Variants in CCDC187 observed in about 807,000 individuals in gnomAD.
CCDC187 encodes the protein coiled-coil domain-containing protein 187.
Under a neutral mutation model 38.0 loss-of-function variants are expected in CCDC187, and 32 were observed. That is an observed-to-expected ratio of 0.84 (90% CI 0.64 to 1.13). The LOEUF is 1.13. CCDC187 is among the 50% of genes most tolerant of loss of function. The probability of loss-of-function intolerance (pLI) is 0.00; values close to 1 mark genes in which losing one functional copy is unlikely to be tolerated. For missense variants in CCDC187, 707 were observed against 786.8 expected, an observed-to-expected ratio of 0.90 and a Z score of 1.21; for synonymous variants, 333 against 347.9, an observed-to-expected ratio of 0.96 and a Z score of 0.48.
intron 7 of CCDC187, 47 bp downstream of exon 7, chr9:136,289,912 C>G (rs1037248209): frequency 3.8e-5 from 15 of 392,312 alleles, no homozygotes; most frequent in African/African-American, 2.7e-4. Context: ...CTTGGCCCCC[C>G]CCAAGGCCCC....
Position 136,257,900 on chromosome 9 carries a change from C to A in CCDC187, c.4366+1032G>T, listed in dbSNP as rs1830633242. On this transcript the variant is annotated intron_variant, in intron 22 of 25. Coordinates refer to ENST00000638797, the MANE Select transcript of CCDC187 (RefSeq NM_001378188.1). The surrounding 1 kb of genome is among the most constrained non-coding windows in gnomAD (Gnocchi z 4.5). Reference sequence around the variant, plus strand: ...GCAGTCAGGCAGACTCAGGGTGAACCCTAGACCACGTGAGAACATAAGTCA... The same window carrying A: ...GCAGTCAGGCAGACTCAGGGTGAACACTAGACCACGTGAGAACATAAGTCA... Among the ~76,000 whole-genome samples the A allele has an allele frequency of 6.6e-6, 1 of 152,188 alleles. No homozygotes were observed. The highest frequency in any genetic ancestry group is 2.4e-5 in the African/African-American group (1 of 41,448).
intron 24 of CCDC187, 111 bp from the exon 25 acceptor site, chr9:136,255,844 A>C (rs1554760232): frequency 2.2e-6 from 1 of 456,072 alleles, no homozygotes; most frequent in African/African-American, 2.1e-5. Flanking sequence ...CACACTCGAA[A>C]AACATCCCAG....
At position 136,268,109 on chromosome 9, in the gene CCDC187, G is replaced by A; in HGVS notation, c.3459C>T (p.Asp1153=). The part of the protein sequence containing the change: ...KPASAEVEGP[D]GALSQLPLAK... The stretch of plus-strand genomic sequence containing the variant: ...CCAGGGGAAGCTGGGAGAGGGCTCC[G>A]TCAGGGCCCTCCACCTCTGAGGAAG... Residue 1153 remains aspartate, a synonymous_variant, in exon 15 of 26, where the codon GAC becomes GAT. Coordinates refer to ENST00000638797, the MANE Select transcript of CCDC187 (RefSeq NM_001378188.1). The A allele has an allele frequency of 1.0e-6, 1 of 985,522 alleles. No homozygotes were observed. Among genetic ancestry groups the A allele is most frequent in the Non-Finnish European group, 1.2e-6 (1 of 829,974 alleles). 61.0% of individuals were successfully genotyped at this position (985,522 alleles called of 1,614,324 possible). A position where few individuals can be genotyped will look rare whatever the true frequency, so the allele number is the denominator to read the frequency against.
intron 4 of CCDC187, among the ~76,000 whole-genome samples, chr9:136,293,221 ACTCACACT>A (rs1387737453): frequency 4.6e-4 from 46 of 100,298 alleles, no homozygotes; most frequent in Non-Finnish European, 6.4e-4. Flanking sequence ...ATGCTCACAC[ACTCACACT>A]CACACGCTCA....
At position 136,250,332 on chromosome 9, in the gene CCDC187, A is replaced by G; in HGVS notation, c.*3262T>C. 5.6e-6 allele frequency: 1 copy of G among 178,200 alleles called. No individual in the cohort carries two copies. Among genetic ancestry groups the G allele is most frequent in the African/African-American group, 2.4e-5 (1 of 41,888 alleles). The allele number at this position is 178,200 out of a possible 1,614,324, so 11.0% of individuals were successfully genotyped here. ...GAGGCACCTGCTGGGCTCCCAGGGA[A>G]AGTCACGCTGGTTCCAGCTGTGACT... On this transcript the variant is annotated 3_prime_UTR_variant, in exon 26 of 26. Coordinates refer to ENST00000638797, the MANE Select transcript of CCDC187 (RefSeq NM_001378188.1).
Position 136,286,117 on chromosome 9 carries a change from C to T in CCDC187, c.2801G>A (p.Ser934Asn). ...CTTGCTCTCGCAGTGGGCCCTCGGG[C>T]TCACACTCTGCTGTTGCTCCCAGCT... The part of the protein sequence containing the change: ...GPSWEQQQSV[S>N]PRAHCESKPR... The change falls in exon 8 of 26, where the codon AGC becomes AAC. Residue 934 changes from serine to asparagine, a missense_variant. Coordinates refer to ENST00000638797, the MANE Select transcript of CCDC187 (RefSeq NM_001378188.1). The T allele has an allele frequency of 2.5e-6, 1 of 398,596 alleles. No individual in the cohort carries two copies. Among genetic ancestry groups the T allele is most frequent in the African/African-American group, 2.1e-5 (1 of 48,768 alleles). 24.7% of individuals were successfully genotyped at this position (398,596 alleles called of 1,614,324 possible). A position where few individuals can be genotyped will look rare whatever the true frequency, so the allele number is the denominator to read the frequency against.
At chr9:136,282,978 C>G (rs1234574610) in intron 9 of CCDC187, among the ~76,000 whole-genome samples, 1 of 152,244 alleles carries the variant, frequency 6.6e-6, no homozygotes, top group Non-Finnish European at 1.5e-5. Context: ...AGGCCGGGCA[C>G]AGTGGCTCAC....
chr9:136,275,230 C>T (rs1206773052), intron 12 of CCDC187, among the ~76,000 whole-genome samples: 4 of 152,156 alleles, frequency 2.6e-5, no homozygotes, highest in Admixed American at 6.5e-5. Context: ...GCCAGTGCCC[C>T]GCCAGGGCTG....
At position 136,254,347 on chromosome 9, in the gene CCDC187, G is replaced by T; in HGVS notation, c.5481C>A (p.Ser1827Arg). ...GAAGAGCCACCTGGGGCTCCATGCC[G>T]CTTCTGACACCCCCTTTCAGGCTCT... ...TSESLKGGVR[S>R]GMEPQVALPS... The change falls in exon 26 of 26, where the codon AGC becomes AGA. Residue 1827 changes from serine to arginine, a missense_variant. Coordinates refer to ENST00000638797, the MANE Select transcript of CCDC187 (RefSeq NM_001378188.1). 1 of 983,914 alleles carries T rather than the reference G, an allele frequency of 1.0e-6. No individual in the cohort carries two copies. Among genetic ancestry groups the T allele is most frequent in the Non-Finnish European group, 1.2e-6 (1 of 829,002 alleles). 60.9% of individuals were successfully genotyped at this position (983,914 alleles called of 1,614,324 possible).
chr9:136,292,658 GAGC>G (rs1236136400), intron 4 of CCDC187, among the ~76,000 whole-genome samples: 1 of 152,172 alleles, frequency 6.6e-6, no homozygotes, highest in South Asian at 2.1e-4. Flanking sequence ...AAGAAACGCC[GAGC>G]AGCAGCAGCA....
At position 136,253,988 on chromosome 9, in the gene CCDC187, T is replaced by A. The variant is rs1830581338; in HGVS notation, c.5840A>T (p.Asp1947Val). The A allele has an allele frequency of 3.2e-6, 3 of 928,246 alleles. No individual in the cohort carries two copies. The highest frequency in any genetic ancestry group is 5.5e-4 in the Middle Eastern group (1 of 1,832). 57.5% of individuals were successfully genotyped at this position (928,246 alleles called of 1,614,324 possible). A position where few individuals can be genotyped will look rare whatever the true frequency, so the allele number is the denominator to read the frequency against. ...TPVTLQAPPG[D>V]PGRLAPPVAE... ...TACTGGAGGTGCCAGCCTGCCTGGG[T>A]CCCCAGGAGGAGCCTGCAGGGTCAC... The change falls in exon 26 of 26, where the codon GAC (aspartate) becomes GTC (valine). Residue 1947 changes from aspartate to valine, a missense_variant. Asp to Val is a radical substitution (Grantham distance 152, BLOSUM62 -3). Coordinates refer to ENST00000638797, the MANE Select transcript of CCDC187 (RefSeq NM_001378188.1).
intron 9 of CCDC187, among the ~76,000 whole-genome samples, chr9:136,285,299 G>A (rs1053371071): frequency 3.9e-5 from 6 of 152,104 alleles, no homozygotes; most frequent in Admixed American, 2.0e-4. Flanking sequence ...TGTCTGACGC[G>A]GGGCTTCCCT....
At chr9:136,294,292 A>T (rs985704091) in intron 4 of CCDC187, among the ~76,000 whole-genome samples, 1 of 148,076 alleles carries the variant, frequency 6.8e-6, no homozygotes, top group Admixed American at 6.7e-5. Flanking sequence ...ATGTGCTCTC[A>T]CTCTCACACG....
intron 16 of CCDC187, 91 bp downstream of exon 16, chr9:136,267,293 G>C (rs1000869380): frequency 3.3e-6 from 3 of 906,382 alleles, no homozygotes; most frequent in African/African-American, 3.6e-5. Flanking sequence ...GACCCGGACG[G>C]GGCAGGGAGG....
rs558422583 is a variant in CCDC187, at chr9:136,258,897, C to T, written c.4366+35G>A. ...TGGATGTGGGGGAAGTGTCTGGCGC[C>T]GTGGAGGCCCACGCGGTGTTTCCAG... On this transcript the variant is annotated intron_variant, in intron 22 of 25. Coordinates refer to ENST00000638797, the MANE Select transcript of CCDC187 (RefSeq NM_001378188.1). The surrounding 1 kb of genome is among the most constrained non-coding windows in gnomAD (Gnocchi z 4.3). 7.1e-6 allele frequency: 7 copies of T among 985,514 alleles called. No homozygotes were observed. Among genetic ancestry groups the T allele is most frequent in the Non-Finnish European group, 8.4e-6 (7 of 830,030 alleles). The allele number at this position is 985,514 out of a possible 1,614,324, so 61.0% of individuals were successfully genotyped here.
At chr9:136,299,733 C>T (rs1407986869) in intron 3 of CCDC187, among the ~76,000 whole-genome samples, 1 of 152,184 alleles carries the variant, frequency 6.6e-6, no homozygotes, top group Non-Finnish European at 1.5e-5. Context: ...GGCCCTTGGC[C>T]CCAGCCCCTT....
Position 136,262,390 on chromosome 9 carries a change from A to G in CCDC187, c.3985T>C (p.Cys1329Arg). 1 of 986,482 alleles carries G rather than the reference A, an allele frequency of 1.0e-6. No individual in the cohort carries two copies. Among genetic ancestry groups the G allele is most frequent in the Non-Finnish European group, 1.2e-6 (1 of 830,756 alleles). The allele number at this position is 986,482 out of a possible 1,614,324, so 61.1% of individuals were successfully genotyped here. A position where few individuals can be genotyped will look rare whatever the true frequency, so the allele number is the denominator to read the frequency against. The change falls in exon 19 of 26, where the codon TGT (cysteine) becomes CGT (arginine). Residue 1329 changes from cysteine to arginine, a missense_variant. Physicochemically the swap from Cys to Arg is radical, Grantham distance 180. Coordinates refer to ENST00000638797, the MANE Select transcript of CCDC187 (RefSeq NM_001378188.1). ...CTGGGCCTGCATGGGGTCAGGGGAC[A>G]CAGGGAGGCCTCTGGCTGCTGGCTT... ...ETSQQPEASL[C>R]PLTPCRPSSS...
chr9:136,286,794 G>A (rs928825449), intron 7 of CCDC187, 99 bp from the exon 8 acceptor site: 73,528 of 397,700 alleles, frequency 0.18, 7,140 homozygotes, highest in East Asian at 0.27. Flanking sequence ...TCACAGCAGC[G>A]TCTGTGACGG....
chr9:136,284,155 G>A (rs1234630125), intron 9 of CCDC187, among the ~76,000 whole-genome samples: 7 of 152,222 alleles, frequency 4.6e-5, no homozygotes, highest in African/African-American at 1.7e-4. Context: ...AGGAGGGAAG[G>A]CTGGGCTTCG....
Sources: gnomAD v4.1 joint callset for allele counts (sites outside exome capture counted in the v4.1 genomes callset) on GRCh38, gnomAD v4.1.1 for gene constraint, Gnocchi (gnomAD v3.1) non-coding constraint, MANE v1.5 for transcripts, NCBI Gene and HGNC (gene_info 2026-07-23, HGNC 2026-07-21) for gene names.